SPAG16: variants seen among roughly 807,000 people sequenced by gnomAD.
SPAG16 encodes the protein sperm associated antigen 16, also known as sperm-associated antigen 16 protein.
In SPAG16, 86 loss-of-function variants were observed where a neutral mutation model predicts 80.4. The ratio of observed to expected loss-of-function variants is 1.07; its 90% CI spans 0.90 to 1.28. The LOEUF is 1.28. Ranked by LOEUF, SPAG16 falls within the 50% of genes most tolerant of loss-of-function variation. The pLI is 0.00. For missense variants in SPAG16, 870 were observed against 765.3 expected, an observed-to-expected ratio of 1.14 and a Z score of -1.61; for synonymous variants, 294 against 265.9, an observed-to-expected ratio of 1.11 and a Z score of -1.03.
chr2:213,647,295 G>A (rs1038265142), intron 10 of SPAG16, among the ~76,000 whole-genome samples: 6 of 152,094 alleles, frequency 3.9e-5, no homozygotes, highest in Admixed American at 3.9e-4. Context: ...ACGTACAGTT[G>A]AGCAATTCTA....
At chr2:213,324,383 G>T (rs139612862) in intron 5 of SPAG16, among the ~76,000 whole-genome samples, 1 of 152,226 alleles carries the variant, frequency 6.6e-6, no homozygotes, top group African/African-American at 2.4e-5. Context: ...TCTCAAGGTA[G>T]AACATTTTTA....
In SPAG16 at chr2:213,796,889, G is replaced by T. The variant is rs913383437; in HGVS notation, c.1071-65596G>T. On this transcript the variant is annotated intron_variant, in intron 10 of 15. Transcript: ENST00000331683. ...CAGGAGGAATTTCAGAAGAAGATAT[G>T]GTTATTATGGGTGATGACAGCTGCA... 2.0e-5 allele frequency among the ~76,000 whole-genome samples: 3 copies of T among 151,006 alleles called. No homozygotes were observed. The Admixed American group carries it at 2.0e-4, about 10-fold the overall frequency.
chr2:213,447,929 C>T (rs2071435321), intron 9 of SPAG16, among the ~76,000 whole-genome samples: 1 of 152,222 alleles, frequency 6.6e-6, no homozygotes, highest in South Asian at 2.1e-4. Flanking sequence ...AGTGTTAAAA[C>T]AAATTCTCAA....
chr2:213,684,998 A>C (rs1009369142), intron 10 of SPAG16, among the ~76,000 whole-genome samples: 2 of 152,226 alleles, frequency 1.3e-5, no homozygotes, highest in Non-Finnish European at 2.9e-5. Context: ...AGATCAAGGA[A>C]GTCCTCTTTA....
chr2:213,468,498 TATATAG>T (rs576304440), intron 9 of SPAG16, among the ~76,000 whole-genome samples: 1,122 of 74,776 alleles, frequency 0.015, 27 homozygotes, highest in African/African-American at 0.037. Flanking sequence ...TATGTATTTA[TATATAG>T]ATATATATAT....
intron 15 of SPAG16, among the ~76,000 whole-genome samples, chr2:214,333,695 C>T (rs1349304183): frequency 1.3e-5 from 2 of 152,184 alleles, no homozygotes; most frequent in African/African-American, 4.8e-5. Context: ...CTGCCATCCC[C>T]ACACTGAGAC....
chr2:213,791,989 T>C (rs539265682), intron 10 of SPAG16, among the ~76,000 whole-genome samples: 1 of 152,352 alleles, frequency 6.6e-6, no homozygotes, highest in South Asian at 2.1e-4. Flanking sequence ...CCAACTTTTC[T>C]CAAAATTATT....
intron 15 of SPAG16, among the ~76,000 whole-genome samples, chr2:214,343,816 C>T (rs1165046792): frequency 6.6e-6 from 1 of 151,954 alleles, no homozygotes; most frequent in Non-Finnish European, 1.5e-5. Flanking sequence ...TTTTACTGAG[C>T]ATAATTAATA....
intron 10 of SPAG16, among the ~76,000 whole-genome samples, chr2:213,786,552 A>G (rs766960412): frequency 3.0e-4 from 45 of 152,268 alleles, no homozygotes; most frequent in Middle Eastern, 6.8e-3. Context: ...AAAATTTTGG[A>G]CTATAAATAA....
intron 11 of SPAG16, chr2:213,923,923 C>G (rs1382184880): frequency 6.6e-6 from 1 of 152,302 alleles, no homozygotes; most frequent in African/African-American, 2.4e-5. Context: ...CTCCTGCCAC[C>G]TGAGTGTTTC....
At chr2:213,761,298 A>G (rs1265194220) in intron 10 of SPAG16, among the ~76,000 whole-genome samples, 1 of 152,188 alleles carries the variant, frequency 6.6e-6, no homozygotes, top group African/African-American at 2.4e-5. Flanking sequence ...ATTTATAGCT[A>G]TAAGTTCTTA....
chr2:213,630,588 A>T (rs2062114164), intron 10 of SPAG16, among the ~76,000 whole-genome samples: 1 of 152,228 alleles, frequency 6.6e-6, no homozygotes, highest in Non-Finnish European at 1.5e-5. Flanking sequence ...TAGCAAAATG[A>T]TGAATGCAAA....
At chr2:213,445,505 C>G (rs1395553804) in intron 9 of SPAG16, among the ~76,000 whole-genome samples, 3 of 151,860 alleles carry the variant, frequency 2.0e-5, no homozygotes, top group Non-Finnish European at 1.5e-5. Context: ...ACTAAAAATA[C>G]AAAAAAATTA....
At chr2:214,376,080 A>C (rs1700110756) in intron 15 of SPAG16, among the ~76,000 whole-genome samples, 1 of 152,072 alleles carries the variant, frequency 6.6e-6, no homozygotes, top group African/African-American at 2.4e-5. Flanking sequence ...TTATGATCTT[A>C]GGTGTTTTTA....
Position 213,561,949 on chromosome 2 carries a change from C to G in SPAG16, c.1070+71859C>G, listed in dbSNP as rs1480985738. 2.0e-5 allele frequency among the ~76,000 whole-genome samples: 3 copies of G among 152,252 alleles called. No homozygotes were observed. In the South Asian group the frequency reaches 6.2e-4, roughly 32 times the overall value. On this transcript the variant is annotated intron_variant, in intron 10 of 15. Coordinates refer to ENST00000331683, the MANE Select transcript of SPAG16 (RefSeq NM_024532.5). ...AATGTTTCTTGAATTGCAGTTTATG[C>G]TCAGCCAATTATTCTGTCTTGAAAC...
At chr2:213,981,869 T>C (rs945315325) in intron 12 of SPAG16, among the ~76,000 whole-genome samples, 1 of 151,972 alleles carries the variant, frequency 6.6e-6, no homozygotes, top group Non-Finnish European at 1.5e-5. Context: ...AAAGTCCGAA[T>C]TTAATTCATG....
chr2:213,857,032 C>A (rs1387595168), intron 10 of SPAG16, among the ~76,000 whole-genome samples: 1 of 152,122 alleles, frequency 6.6e-6, no homozygotes, highest in Non-Finnish European at 1.5e-5. Context: ...GAATTAGAGA[C>A]CAGCCTGGCC....
At chr2:213,643,230 T>G (rs1018654017) in intron 10 of SPAG16, among the ~76,000 whole-genome samples, 2 of 149,724 alleles carry the variant, frequency 1.3e-5, no homozygotes, top group Admixed American at 1.3e-4. Context: ...GTAAAACTTG[T>G]TTTTGTTTGT....
chr2:213,620,932 A>G (rs2125051824), intron 10 of SPAG16, among the ~76,000 whole-genome samples: 1 of 152,106 alleles, frequency 6.6e-6, no homozygotes, highest in South Asian at 2.1e-4. Flanking sequence ...TTTCTTCAAG[A>G]GTCTCAAGCT....
Sources: allele counts gnomAD v4.1 joint callset (sites outside exome capture counted in the v4.1 genomes callset), GRCh38; gene constraint gnomAD v4.1.1; transcripts MANE v1.5; gene names NCBI Gene and HGNC (gene_info 2026-07-23, HGNC 2026-07-21).